KIF7: variants seen among roughly 807,000 people sequenced by gnomAD.
KIF7 encodes the protein kinesin family member 7, also known as kinesin-like protein KIF7.
In KIF7, 104 loss-of-function variants were observed where a neutral mutation model predicts 135.7. The observed-to-expected ratio is 0.77, with a 90% CI of 0.65 to 0.90. KIF7 has a LOEUF of 0.90. Ranked by LOEUF, KIF7 falls within the 40% of genes least tolerant of loss-of-function variation. The pLI is 0.00. For missense variants in KIF7, 2,005 were observed against 1,839.1 expected (o/e 1.09, Z -1.65); for synonymous variants, 883 against 809.4 (o/e 1.09, Z -1.54).
Position 89,646,983 on chromosome 15 carries a change from C to G in KIF7, c.1635G>C (p.Trp545Cys), listed in dbSNP as rs767823809. 49 of 1,613,172 alleles carry G rather than the reference C, an allele frequency of 3.0e-5. No homozygotes were observed. The highest frequency in any genetic ancestry group is 4.1e-5 in the Non-Finnish European group (48 of 1,179,708). Residue 545 changes from tryptophan (W) to cysteine (C), a missense_variant, in exon 7 of 19, where the codon TGG becomes TGC. Physicochemically the swap from Trp to Cys is radical, Grantham distance 215. Coordinates refer to ENST00000394412, the MANE Select transcript of KIF7 (RefSeq NM_198525.3). ...RLRLELVRPGWGGPRLLNGLP... is the reference protein window; with the variant it reads ...RLRLELVRPGCGGPRLLNGLP... ...GGCCATTCAGGAGCCGCGGGCCCCC[C>G]CAGCCTGGCCGCACCAGCTCTAACC... is the stretch of plus-strand genomic sequence containing the variant.
chr15:89,648,568 C>G lies in KIF7; in HGVS notation c.1130G>C (p.Arg377Pro), dbSNP rs539554255. Residue 377 changes from arginine to proline, a missense_variant, in exon 5 of 19, where the codon CGG becomes CCG. Coordinates refer to ENST00000394412, the MANE Select transcript of KIF7 (RefSeq NM_198525.3). ...ETASGARGPP[R>P]HRSETRIIHR... ...GATGATGCGGGTCTCGGAGCGGTGC[C>G]GTGGCGGACCCCGCGCGCCGCTCGC... The G allele has an allele frequency of 6.8e-7, 1 of 1,476,142 alleles. No individual in the cohort carries two copies. Among genetic ancestry groups the G allele is most frequent in the East Asian group, 2.7e-5 (1 of 37,282 alleles). The allele number at this position is 1,476,142 out of a possible 1,614,324, so 91.4% of individuals were successfully genotyped here.
Position 89,628,957 on chromosome 15 carries a change from G to T in KIF7, c.3664+19C>A. On this transcript the variant is annotated intron_variant, in intron 18 of 18. Coordinates refer to ENST00000394412, the MANE Select transcript of KIF7 (RefSeq NM_198525.3). ...AAGAAAGGGAACAGGTCTGACTTCA[G>T]AGCGCGACGAGGAGTTACCCCTGCT... 6.2e-7 allele frequency: 1 copy of T among 1,613,912 alleles called. No homozygotes were observed. Among genetic ancestry groups the T allele is most frequent in the Non-Finnish European group, 8.5e-7 (1 of 1,179,982 alleles).
Position 89,632,907 on chromosome 15 carries a change from G to C in KIF7, c.2808C>G (p.Leu936=), listed in dbSNP as rs1006371075. Reference sequence around the variant, plus strand: ...TGGCCAGGATGGCCTCCCGCTTGTGGAGCTCCTCCCCCAGCTCCTCCAGCG... The same window carrying C: ...TGGCCAGGATGGCCTCCCGCTTGTGCAGCTCCTCCCCCAGCTCCTCCAGCG... ...RRALEELGEE[L]HKREAILAKK... The change falls in exon 14 of 19, where the codon CTC becomes CTG. Residue 936 remains leucine (L), a synonymous_variant. Coordinates refer to ENST00000394412, the MANE Select transcript of KIF7 (RefSeq NM_198525.3). 2 of 1,608,652 alleles carry C rather than the reference G, an allele frequency of 1.2e-6. No individual in the cohort carries two copies. Among genetic ancestry groups the C allele is most frequent in the Admixed American group, 1.7e-5 (1 of 59,786 alleles).
chr15:89,624,191 G>C, downstream of KIF7: 4 of 1,614,090 alleles, frequency 2.5e-6, no homozygotes, highest in Non-Finnish European at 3.4e-6. Context: ...ACTCCAAAAA[G>C]ACCAGGGAAT....
downstream of KIF7, chr15:89,625,338 G>C: frequency 6.2e-7 from 1 of 1,614,096 alleles, no homozygotes; most frequent in Non-Finnish European, 8.5e-7. Flanking sequence ...ACAGTGGGAA[G>C]ACAACTCCAG....
chr15:89,636,441 A>T (rs561151834), intron 11 of KIF7, among the ~76,000 whole-genome samples: 25 of 118,790 alleles, frequency 2.1e-4, no homozygotes, highest in African/African-American at 7.7e-4. Context: ...CCCATCTCAC[A>T]TGCAGAGACA....
chr15:89,628,342 T>A lies in KIF7; in HGVS notation c.*77A>T. ...TAGGGTGTGCGGTAAGGACTGCCCTTCACAGAAGCAAAACAGGCAGCTGCC... is the reference window on the plus strand; with the variant it reads ...TAGGGTGTGCGGTAAGGACTGCCCTACACAGAAGCAAAACAGGCAGCTGCC... On this transcript the variant is annotated 3_prime_UTR_variant, in exon 19 of 19. Coordinates refer to ENST00000394412, the MANE Select transcript of KIF7 (RefSeq NM_198525.3). 6.5e-7 allele frequency: 1 copy of A among 1,528,518 alleles called. No homozygotes were observed. Among genetic ancestry groups the A allele is most frequent in the Non-Finnish European group, 8.8e-7 (1 of 1,138,468 alleles). 94.7% of individuals were successfully genotyped at this position (1,528,518 alleles called of 1,614,324 possible).
At chr15:89,641,153 G>C (rs919255170) in intron 11 of KIF7, among the ~76,000 whole-genome samples, 2 of 152,090 alleles carry the variant, frequency 1.3e-5, no homozygotes, top group Non-Finnish European at 2.9e-5. Flanking sequence ...TAGTTTAAAT[G>C]AGGACATTAG....
intron 8 of KIF7, 41 bp from the exon 9 acceptor site, chr15:89,645,492 C>T: frequency 6.7e-7 from 1 of 1,503,130 alleles, no homozygotes; most frequent in East Asian, 2.4e-5. Context: ...TCCCCAGCCC[C>T]TGCCCCAGCC....
intron 16 of KIF7, 37 bp from the exon 17 acceptor site, chr15:89,629,610 G>A: frequency 6.2e-7 from 1 of 1,600,116 alleles, no homozygotes; most frequent in South Asian, 1.1e-5. Context: ...CCCTCATCAT[G>A]ACCCCTCTTC....
Position 89,642,099 on chromosome 15 carries a change from C to A in KIF7, c.2394+104G>T, listed in dbSNP as rs1259838277. The stretch of plus-strand genomic sequence containing the variant: ...GGGCCAGGGCTGGAGCACAAGGTTC[C>A]ACAGTGAACTTGGGCCTCAGAGCCC... On this transcript the variant is annotated intron_variant, in intron 11 of 18. Transcript: ENST00000394412. 8 of 1,223,290 alleles carry A rather than the reference C, an allele frequency of 6.5e-6. No individual in the cohort carries two copies. In the African/African-American group the frequency reaches 1.2e-4, roughly 18 times the overall value. 75.8% of individuals were successfully genotyped at this position (1,223,290 alleles called of 1,614,324 possible).
rs762835361 is a variant in KIF7 at position 89,633,123 on chromosome 15, G to A, written c.2718+18C>T. On this transcript the variant is annotated intron_variant, in intron 13 of 18. Coordinates refer to ENST00000394412, the MANE Select transcript of KIF7 (RefSeq NM_198525.3). ...AGCCCCCAGGGGAGCCCTGGGTGCG[G>A]ACACAGCCTGGCCCCACCTGCTGCT... The A allele has an allele frequency of 2.9e-5, 46 of 1,601,690 alleles. No individual in the cohort carries two copies. The highest frequency in any genetic ancestry group is 3.8e-5 in the Non-Finnish European group (45 of 1,179,778).
chr15:89,630,775 T>C (rs1035452241), intron 15 of KIF7: 5 of 524,778 alleles, frequency 9.5e-6, no homozygotes, highest in South Asian at 8.1e-5. Flanking sequence ...ACAAAAGGCA[T>C]GGTTGGGACA....
chr15:89,646,153 C>A, intron 7 of KIF7, 127 bp from the exon 8 acceptor site: 1 of 1,183,148 alleles, frequency 8.5e-7, no homozygotes, highest in Non-Finnish European at 1.2e-6. Context: ...CAAATGACCC[C>A]TCTGGCAGCC....
chr15:89,629,361 G>A lies in KIF7; in HGVS notation c.3517+14C>T. On this transcript the variant is annotated intron_variant, in intron 17 of 18. Coordinates refer to ENST00000394412, the MANE Select transcript of KIF7 (RefSeq NM_198525.3). ...AGGGGGCCGGGGTTGTGAGCCATGG[G>A]CCGGGCTGCTCACCTCGACTCTGCT... is the stretch of plus-strand genomic sequence containing the variant. The A allele has an allele frequency of 1.3e-6, 2 of 1,578,252 alleles. No homozygotes were observed. Among genetic ancestry groups the A allele is most frequent in the Non-Finnish European group, 1.7e-6 (2 of 1,167,448 alleles).
intron 2 of KIF7, among the ~76,000 whole-genome samples, chr15:89,650,529 G>T (rs765883649): frequency 1.4e-4 from 22 of 152,174 alleles, no homozygotes; most frequent in Admixed American, 3.9e-4. Flanking sequence ...GAGTAGCTGG[G>T]ATTATAGGCA....
At chr15:89,661,239 T>C in the KIF7 span, among the ~76,000 whole-genome samples, 2 of 152,152 alleles carry the variant, frequency 1.3e-5, no homozygotes, top group Non-Finnish European at 2.9e-5. Context: ...AGTTTTAGAA[T>C]AAAAATCTCT....
In KIF7 at chr15:89,652,561, G is replaced by T. The variant is rs148410057; in HGVS notation, c.328+42C>A. The T allele has an allele frequency of 3.1e-5, 44 of 1,405,964 alleles. No homozygotes were observed. In the African/African-American group the frequency reaches 5.4e-4, roughly 17 times the overall value. 87.1% of individuals were successfully genotyped at this position (1,405,964 alleles called of 1,614,324 possible). ...GGCAGAAATCCAGGAAGGAACTAAG[G>T]CTCCTTAAAGTGGGCACAGGGCCAC... On this transcript the variant is annotated intron_variant, in intron 2 of 18. Transcript: ENST00000394412.
At chr15:89,622,685 C>T (rs909932593) in intron 1 of KIF7, among the ~76,000 whole-genome samples, 2 of 152,218 alleles carry the variant, frequency 1.3e-5, no homozygotes, top group Non-Finnish European at 2.9e-5. Flanking sequence ...TCTGTTCCCT[C>T]TGGCCTCACC....
Sources: allele counts gnomAD v4.1 joint callset (sites outside exome capture counted in the v4.1 genomes callset), GRCh38; gene constraint gnomAD v4.1.1; transcripts MANE v1.5; gene names NCBI Gene and HGNC (gene_info 2026-07-23, HGNC 2026-07-21).